The following NEGR1 variants were observed in gnomAD, a reference collection of about 807,000 sequenced individuals.
NEGR1 encodes the protein neuronal growth regulator 1, also known as IgLON family member 4.
In NEGR1, 10 loss-of-function variants were observed where a neutral mutation model predicts 40.9. The observed-to-expected ratio is 0.24, with a 90% CI of 0.15 to 0.42. The LOEUF (loss-of-function observed/expected upper bound fraction) is 0.42, where lower values mean the gene tolerates loss of function less well. Ranked by LOEUF, NEGR1 falls within the 10% of genes least tolerant of loss-of-function variation. The pLI, the probability that NEGR1 is intolerant of heterozygous loss-of-function variation, is 1.00. For synonymous variants in NEGR1, 185 were observed against 166.8 expected (o/e 1.11, Z -0.84); for missense variants, 352 against 438.9 (o/e 0.80, Z 1.77).
intron 6 of NEGR1, among the ~76,000 whole-genome samples, chr1:71,550,383 G>A (rs1271677600): frequency 6.6e-6 from 1 of 151,552 alleles, no homozygotes; most frequent in Non-Finnish European, 1.5e-5. Context: ...GCCATTTCCT[G>A]GAAGCAGCAT....
chr1:72,167,193 T>G (rs1018154553), intron 1 of NEGR1, among the ~76,000 whole-genome samples: 1 of 152,158 alleles, frequency 6.6e-6, no homozygotes, highest in Non-Finnish European at 1.5e-5. Flanking sequence ...TAAACAATAA[T>G]GTTTCACTAC....
At chr1:71,667,595 A>C (rs1447900992) in intron 4 of NEGR1, among the ~76,000 whole-genome samples, 1 of 152,202 alleles carries the variant, frequency 6.6e-6, no homozygotes, top group Admixed American at 6.5e-5. Context: ...TAAAGAAAAT[A>C]GTCTTTTACT....
rs531434679 is a variant in NEGR1 at position 72,177,431 on chromosome 1, C to T, written c.176+104888G>A. Among the ~76,000 whole-genome samples the T allele has an allele frequency of 2.6e-5, 4 of 152,066 alleles. No homozygotes were observed. In the South Asian group the frequency reaches 8.3e-4, roughly 32 times the overall value. ...GTTTAACCATTTTCCTATTACTGAA[C>T]ATTTATTTCATTTTTCTAATAATTT... On this transcript the variant is annotated intron_variant, in intron 1 of 6. Coordinates refer to ENST00000357731, the MANE Select transcript of NEGR1 (RefSeq NM_173808.3).
At chr1:72,070,579 T>G (rs1329205284) in intron 1 of NEGR1, among the ~76,000 whole-genome samples, 1 of 152,064 alleles carries the variant, frequency 6.6e-6, no homozygotes, top group Admixed American at 6.6e-5. Context: ...CTCATCTTTT[T>G]GATAAAAACA....
intron 2 of NEGR1, among the ~76,000 whole-genome samples, chr1:71,804,745 T>G (rs1657691601): frequency 1.3e-5 from 2 of 152,178 alleles, no homozygotes; most frequent in Non-Finnish European, 2.9e-5. Context: ...GACCCTGTGA[T>G]GATTGCATTA....
chr1:71,578,801 T>G (rs1319217675), intron 6 of NEGR1, among the ~76,000 whole-genome samples: 1 of 152,196 alleles, frequency 6.6e-6, no homozygotes, highest in African/African-American at 2.4e-5. Flanking sequence ...GTACTTATTA[T>G]CTTACTATTT....
intron 3 of NEGR1, among the ~76,000 whole-genome samples, chr1:71,769,578 A>C (rs1389710821): frequency 6.6e-6 from 1 of 152,126 alleles, no homozygotes; most frequent in Non-Finnish European, 1.5e-5. Flanking sequence ...TGATGGTTTT[A>C]CTAGGGGGTT....
intron 6 of NEGR1, among the ~76,000 whole-genome samples, chr1:71,576,236 T>C (rs993533592): frequency 6.6e-6 from 1 of 152,200 alleles, no homozygotes; most frequent in Non-Finnish European, 1.5e-5. Context: ...CATTGGTGTA[T>C]AAATGGCTGC....
intron 1 of NEGR1, among the ~76,000 whole-genome samples, chr1:72,013,058 T>C (rs1322127418): frequency 1.3e-5 from 2 of 151,798 alleles, no homozygotes; most frequent in African/African-American, 4.8e-5. Context: ...TTATTTAATG[T>C]ATAGAAGCTT....
chr1:72,250,986 G>T (rs1456602130), intron 1 of NEGR1, among the ~76,000 whole-genome samples: 1 of 152,152 alleles, frequency 6.6e-6, no homozygotes, highest in African/African-American at 2.4e-5. Context: ...AAACTGAAGG[G>T]ACTGAAAAAT....
intron 1 of NEGR1, among the ~76,000 whole-genome samples, chr1:72,272,619 G>A (rs1655881816): frequency 6.6e-6 from 1 of 151,700 alleles, no homozygotes; most frequent in African/African-American, 2.4e-5. Context: ...GAAAAGAAAG[G>A]GGTTTCTGAA....
chr1:71,694,233 A>C (rs1245796518), intron 4 of NEGR1, among the ~76,000 whole-genome samples: 1 of 151,290 alleles, frequency 6.6e-6, no homozygotes, highest in Non-Finnish European at 1.5e-5. Context: ...CAAATGTGTC[A>C]ATTTTTTTTT....
intron 1 of NEGR1, among the ~76,000 whole-genome samples, chr1:72,201,283 A>C (rs1653194086): frequency 6.6e-6 from 1 of 151,038 alleles, no homozygotes; most frequent in Non-Finnish European, 1.5e-5. Context: ...TTGCTTCACT[A>C]GTATAATATA....
At chr1:72,128,350 CAG>C (rs1289593950) in intron 1 of NEGR1, among the ~76,000 whole-genome samples, 2 of 152,050 alleles carry the variant, frequency 1.3e-5, no homozygotes, top group Non-Finnish European at 2.9e-5. Context: ...GAAAGCAAGA[CAG>C]AAAGTATTAA....
intron 6 of NEGR1, among the ~76,000 whole-genome samples, chr1:71,572,652 A>C (rs769817875): frequency 6.6e-6 from 1 of 152,178 alleles, no homozygotes; most frequent in Admixed American, 6.5e-5. Context: ...GTATATATTC[A>C]TTTAAATTCA....
At chr1:72,222,319 A>G (rs1426744138) in intron 1 of NEGR1, among the ~76,000 whole-genome samples, 1 of 152,180 alleles carries the variant, frequency 6.6e-6, no homozygotes, top group Admixed American at 6.5e-5. Context: ...TCTAGCTGCA[A>G]GCACGCTCAT....
intron 6 of NEGR1, among the ~76,000 whole-genome samples, chr1:71,419,808 G>A (rs552101690): frequency 6.6e-6 from 1 of 151,912 alleles, no homozygotes; most frequent in South Asian, 2.1e-4. Flanking sequence ...TTGTAAAACG[G>A]GAAAATGAGA....
chr1:71,440,923 A>C (rs1400338837), intron 6 of NEGR1, among the ~76,000 whole-genome samples: 1 of 152,222 alleles, frequency 6.6e-6, no homozygotes, highest in Non-Finnish European at 1.5e-5. Context: ...AATGCTTCCA[A>C]ATGATCAGAC....
At chr1:72,097,725 C>T (rs953303789) in intron 1 of NEGR1, among the ~76,000 whole-genome samples, 1 of 152,150 alleles carries the variant, frequency 6.6e-6, no homozygotes, top group African/African-American at 2.4e-5. Flanking sequence ...TACAATTTCT[C>T]TAAGAACTGA....
Sources: gnomAD v4.1 joint callset for allele counts (sites outside exome capture counted in the v4.1 genomes callset) on GRCh38, gnomAD v4.1.1 for gene constraint, MANE v1.5 for transcripts, NCBI Gene and HGNC (gene_info 2026-07-23, HGNC 2026-07-21) for gene names.